FHIT: variants seen among roughly 807,000 people sequenced by gnomAD.
FHIT encodes the protein bis(5'-adenosyl)-triphosphatase.
FHIT carries 19 observed loss-of-function variants against 17.9 expected under a neutral mutation model. The ratio of observed to expected loss-of-function variants is 1.06; its 90% CI spans 0.74 to 1.56. FHIT has a LOEUF of 1.56. Among genes scored for constraint, FHIT ranks in the 40% most tolerant of loss-of-function variants. FHIT has a pLI of 0.00. For synonymous variants in FHIT, 81 were observed against 69.7 expected (o/e 1.16, Z -0.81); for missense variants, 248 against 189.2 (o/e 1.31, Z -1.82).
intron 3 of FHIT, among the ~76,000 whole-genome samples, chr3:60,870,272 AAC>A (rs1324029112): frequency 7.4e-6 from 1 of 135,914 alleles, no homozygotes; most frequent in Non-Finnish European, 1.6e-5. Flanking sequence ...GAAAAAAAAA[AAC>A]AGGTCAGCAA....
At chr3:60,896,651 C>A (rs1705837726) in intron 3 of FHIT, among the ~76,000 whole-genome samples, 1 of 152,196 alleles carries the variant, frequency 6.6e-6, no homozygotes, top group Admixed American at 6.5e-5. Flanking sequence ...TCTGGGAAAC[C>A]ACCTGGGCAG....
intron 7 of FHIT, among the ~76,000 whole-genome samples, chr3:59,938,292 C>A (rs1453881122): frequency 6.6e-6 from 1 of 152,000 alleles, no homozygotes; most frequent in Admixed American, 6.6e-5. Context: ...TGAAATAAAC[C>A]AGACACAGAA....
intron 2 of FHIT, among the ~76,000 whole-genome samples, chr3:61,198,021 C>A (rs969778606): frequency 1.3e-5 from 2 of 152,028 alleles, no homozygotes; most frequent in African/African-American, 4.8e-5. Flanking sequence ...CTGCAAAACA[C>A]TGAGCTACTT....
chr3:61,001,570 T>A (rs1311742674), intron 3 of FHIT, among the ~76,000 whole-genome samples: 1 of 152,228 alleles, frequency 6.6e-6, no homozygotes, highest in Non-Finnish European at 1.5e-5. Flanking sequence ...ATACATACTA[T>A]ATGATTACTT....
chr3:60,445,757 T>A (rs1230151554), intron 5 of FHIT, among the ~76,000 whole-genome samples: 3 of 151,286 alleles, frequency 2.0e-5, no homozygotes, highest in Admixed American at 6.6e-5. Flanking sequence ...AAGACACAGA[T>A]GTGATTTCAC....
chr3:61,074,121 G>T (rs1193404049), intron 2 of FHIT, among the ~76,000 whole-genome samples: 2 of 152,076 alleles, frequency 1.3e-5, no homozygotes, highest in African/African-American at 4.8e-5. Flanking sequence ...AGCAGCACAT[G>T]CCAAATGGAA....
intron 4 of FHIT, among the ~76,000 whole-genome samples, chr3:60,741,425 T>G (rs998151958): frequency 2.6e-5 from 4 of 152,214 alleles, no homozygotes; most frequent in Non-Finnish European, 5.9e-5. Flanking sequence ...GGCAGAAGCA[T>G]GCAGGTAAGG....
intron 2 of FHIT, among the ~76,000 whole-genome samples, chr3:61,191,065 A>G (rs929872549): frequency 1.7e-4 from 26 of 151,866 alleles, no homozygotes; most frequent in Non-Finnish European, 4.4e-5. Context: ...CATGTACCCT[A>G]AAACTTAAAG....
intron 5 of FHIT, among the ~76,000 whole-genome samples, chr3:60,261,697 C>T (rs950710040): frequency 2.0e-5 from 3 of 151,972 alleles, no homozygotes; most frequent in Admixed American, 6.6e-5. Flanking sequence ...TTACTGATGA[C>T]GTTCAGGACA....
intron 3 of FHIT, among the ~76,000 whole-genome samples, chr3:60,931,227 G>C (rs1321560142): frequency 1.3e-5 from 2 of 151,390 alleles, no homozygotes; most frequent in Non-Finnish European, 2.9e-5. Context: ...GGTGGGGGGA[G>C]TGGGGAGGGA....
intron 2 of FHIT, among the ~76,000 whole-genome samples, chr3:61,064,320 T>C (rs2034530502): frequency 6.6e-6 from 1 of 152,128 alleles, no homozygotes; most frequent in Non-Finnish European, 1.5e-5. Context: ...ACTGTGGTGT[T>C]GAAAGCTCTG....
At chr3:60,869,320 G>T (rs1202124702) in intron 3 of FHIT, among the ~76,000 whole-genome samples, 1 of 152,048 alleles carries the variant, frequency 6.6e-6, no homozygotes, top group Non-Finnish European at 1.5e-5. Flanking sequence ...AATTGAAGGG[G>T]CATCATTAGA....
rs575569710 is a variant in FHIT, at chr3:60,058,798, G to T, written c.104-44646C>A. Among the ~76,000 whole-genome samples, 4 of 152,240 alleles carry T rather than the reference G, an allele frequency of 2.6e-5. No homozygotes were observed. The South Asian group carries it at 8.3e-4, about 32-fold the overall frequency. ...GCCAAAAAAGATAAATAACATGATC[G>T]ATTTGTAAAAATCCCCTCACAATGA... On this transcript the variant is annotated intron_variant, in intron 5 of 9. Coordinates refer to ENST00000492590, the MANE Select transcript of FHIT (RefSeq NM_002012.4).
intron 3 of FHIT, among the ~76,000 whole-genome samples, chr3:61,019,397 G>A (rs1169855600): frequency 6.6e-6 from 1 of 152,138 alleles, no homozygotes; most frequent in African/African-American, 2.4e-5. Context: ...TGGCTGGTAG[G>A]GGCATGCAAC....
At chr3:60,527,765 G>C (rs1339817712) in intron 5 of FHIT, among the ~76,000 whole-genome samples, 3 of 152,210 alleles carry the variant, frequency 2.0e-5, no homozygotes, top group South Asian at 2.1e-4. Context: ...AATGGGAAAG[G>C]TTTAAACTCT....
intron 4 of FHIT, among the ~76,000 whole-genome samples, chr3:60,754,490 G>C (rs947024998): frequency 1.3e-5 from 2 of 152,148 alleles, no homozygotes; most frequent in Non-Finnish European, 2.9e-5. Context: ...TATTAGCCGG[G>C]CGTGGTGGCA....
At chr3:61,204,166 A>G (rs1435851700) in intron 1 of FHIT, among the ~76,000 whole-genome samples, 1 of 152,236 alleles carries the variant, frequency 6.6e-6, no homozygotes, top group Non-Finnish European at 1.5e-5. Context: ...GTTTTTGAAT[A>G]TAAAGTATAA....
intron 5 of FHIT, among the ~76,000 whole-genome samples, chr3:60,021,091 A>G (rs1306381150): frequency 6.6e-6 from 1 of 152,204 alleles, no homozygotes; most frequent in Non-Finnish European, 1.5e-5. Flanking sequence ...TGATTTCCAG[A>G]ATATGATAAA....
chr3:60,569,833 C>T (rs2037312310), intron 4 of FHIT, among the ~76,000 whole-genome samples: 1 of 145,732 alleles, frequency 6.9e-6, no homozygotes, highest in Admixed American at 7.1e-5. Context: ...CTCACTGCAA[C>T]CTTCGCCTCA....
Sources: gnomAD v4.1 joint callset for allele counts (sites outside exome capture counted in the v4.1 genomes callset) on GRCh38, gnomAD v4.1.1 for gene constraint, MANE v1.5 for transcripts, NCBI Gene and HGNC (gene_info 2026-07-23, HGNC 2026-07-21) for gene names.